The following JAM3 variants were observed in gnomAD, a reference collection of about 807,000 sequenced individuals.
JAM3 encodes the protein junctional adhesion molecule C.
In JAM3, 31 loss-of-function variants were observed where a neutral mutation model predicts 39.4. The ratio of observed to expected loss-of-function variants is 0.79; its 90% CI spans 0.59 to 1.06. JAM3 has a LOEUF of 1.06. JAM3 is among the 50% of genes least tolerant of loss of function. JAM3 has a pLI of 0.00. For missense variants in JAM3, 455 were observed against 391.4 expected (o/e 1.16, Z -1.37); for synonymous variants, 182 against 148.7 (o/e 1.22, Z -1.63).
rs115895490 is a variant in JAM3, at chr11:134,073,725, A to G, written c.76+4566A>G. 2.9e-3 allele frequency among the ~76,000 whole-genome samples: 437 copies of G among 152,250 alleles called. 3 individuals are homozygous for G. The highest frequency in any genetic ancestry group is 9.8e-3 in the African/African-American group (407 of 41,554). ...TAGTTGTTAGGTGTCAGTGCATTGTATTTTCTCAATGATAATAAACATTTT... is the reference window on the plus strand; with the variant it reads ...TAGTTGTTAGGTGTCAGTGCATTGTGTTTTCTCAATGATAATAAACATTTT... On this transcript the variant is annotated intron_variant, in intron 1 of 8. Coordinates refer to ENST00000299106, the MANE Select transcript of JAM3 (RefSeq NM_032801.5).
chr11:134,102,500 C>A (rs946630455), intron 1 of JAM3, among the ~76,000 whole-genome samples: 1 of 152,164 alleles, frequency 6.6e-6, no homozygotes. Flanking sequence ...AGCAACGGAA[C>A]AAAGCTGGAC....
At chr11:134,079,073 CT>C (rs528944123) in intron 1 of JAM3, among the ~76,000 whole-genome samples, 6 of 150,870 alleles carry the variant, frequency 4.0e-5, no homozygotes, top group African/African-American at 1.2e-4. Flanking sequence ...TAAATATTTG[CT>C]TTTTTTTTCA....
At chr11:134,104,497 TAACTA>T (rs1942142490) in intron 1 of JAM3, among the ~76,000 whole-genome samples, 1 of 151,532 alleles carries the variant, frequency 6.6e-6, no homozygotes, top group Non-Finnish European at 1.5e-5. Flanking sequence ...AGGCAAGAAA[TAACTA>T]AGATCAGAGC....
At chr11:134,143,059 G>A (rs1441486444) in intron 3 of JAM3, among the ~76,000 whole-genome samples, 1 of 152,138 alleles carries the variant, frequency 6.6e-6, no homozygotes, top group Admixed American at 6.5e-5. Flanking sequence ...ATCAGTATTT[G>A]TTTACAGGTT....
At chr11:134,146,703 A>C (rs1943078899) in intron 6 of JAM3, among the ~76,000 whole-genome samples, 1 of 152,034 alleles carries the variant, frequency 6.6e-6, no homozygotes, top group Non-Finnish European at 1.5e-5. Context: ...GAGTAGCTGG[A>C]ACAACAGGCA....
chr11:134,124,349 G>A lies in JAM3; in HGVS notation c.77-15502G>A, dbSNP rs537846053. On this transcript the variant is annotated intron_variant, in intron 1 of 8. Transcript: ENST00000299106. ...TCATTATGGCAAATGAAAAATGTGA[G>A]TGTGCGTGTGAGTGTGATGGGAAAA... The A allele has an allele frequency of 9.6e-5, 70 of 730,628 alleles. No individual in the cohort carries two copies. In the Middle Eastern group the frequency reaches 3.5e-3, roughly 37 times the overall value. 45.3% of individuals were successfully genotyped at this position (730,628 alleles called of 1,614,324 possible). A position where few individuals can be genotyped will look rare whatever the true frequency, so the allele number is the denominator to read the frequency against.
intron 1 of JAM3, among the ~76,000 whole-genome samples, chr11:134,089,374 A>G (rs1941801998): frequency 6.6e-6 from 1 of 151,980 alleles, no homozygotes; most frequent in African/African-American, 2.4e-5. Context: ...GGTTAGTTAC[A>G]TATGTATACA....
chr11:134,145,151 TTCC>T, intron 5 of JAM3, 157 bp downstream of exon 5: 1 of 622,666 alleles, frequency 1.6e-6, no homozygotes, highest in Non-Finnish European at 2.9e-6. Flanking sequence ...ATGACCCTTC[TTCC>T]TTTTATAAAC....
At chr11:134,105,751 G>A (rs1306921276) in intron 1 of JAM3, among the ~76,000 whole-genome samples, 1 of 152,092 alleles carries the variant, frequency 6.6e-6, no homozygotes, top group Non-Finnish European at 1.5e-5. Context: ...ATTCGCAATT[G>A]CTTCAAAGAG....
At chr11:134,076,155 T>TCTTTCTTTC (rs1565480772) in intron 1 of JAM3, among the ~76,000 whole-genome samples, 1 of 72,522 alleles carries the variant, frequency 1.4e-5, no homozygotes, top group African/African-American at 5.6e-5. Flanking sequence ...TTCTTTCTTT[T>TCTTTCTTTC]TTTTTTTTTT....
At chr11:134,141,278 G>A (rs903017441) in intron 3 of JAM3, among the ~76,000 whole-genome samples, 1 of 152,152 alleles carries the variant, frequency 6.6e-6, no homozygotes, top group Admixed American at 6.5e-5. Flanking sequence ...CCCCAAAGTG[G>A]CCTCTCTGGG....
intron 1 of JAM3, among the ~76,000 whole-genome samples, chr11:134,134,308 A>C (rs948852605): frequency 1.3e-5 from 2 of 150,262 alleles, no homozygotes; most frequent in Admixed American, 1.3e-4. Context: ...AAATATTTGA[A>C]GCAATTATGA....
chr11:134,091,853 T>C (rs1323534655), intron 1 of JAM3, among the ~76,000 whole-genome samples: 1 of 147,182 alleles, frequency 6.8e-6, no homozygotes, highest in African/African-American at 2.5e-5. Context: ...TTTTTTTTTC[T>C]TTAACTGTAG....
chr11:134,142,884 A>C (rs555680165), intron 3 of JAM3, among the ~76,000 whole-genome samples: 1 of 152,172 alleles, frequency 6.6e-6, no homozygotes, highest in African/African-American at 2.4e-5. Context: ...TCTTTCACTC[A>C]GCATCCTGTT....
chr11:134,144,537 C>A, intron 4 of JAM3, 144 bp downstream of exon 4: 1 of 1,046,572 alleles, frequency 9.6e-7, no homozygotes, highest in East Asian at 2.4e-5. Flanking sequence ...CTGAGACTGC[C>A]TGAGTTGGGG....
chr11:134,139,984 C>T, intron 2 of JAM3, 68 bp downstream of exon 2: 4 of 1,199,032 alleles, frequency 3.3e-6, no homozygotes, highest in Non-Finnish European at 1.2e-6. Context: ...TTGCAGCCAA[C>T]TCAGGACACA....
intron 1 of JAM3, among the ~76,000 whole-genome samples, chr11:134,087,053 C>T (rs1941756454): frequency 6.6e-6 from 1 of 152,168 alleles, no homozygotes; most frequent in Admixed American, 6.5e-5. Context: ...GATCCTCCTC[C>T]CTCAGTCTCC....
chr11:134,112,767 C>T (rs1942341695), intron 1 of JAM3, among the ~76,000 whole-genome samples: 1 of 152,208 alleles, frequency 6.6e-6, no homozygotes, highest in Non-Finnish European at 1.5e-5. Context: ...AGAGTACATG[C>T]TCTTACTCGT....
At chr11:134,110,662 A>G (rs1224490184) in intron 1 of JAM3, among the ~76,000 whole-genome samples, 1 of 152,186 alleles carries the variant, frequency 6.6e-6, no homozygotes, top group East Asian at 1.9e-4. Context: ...AAGGAAGGGC[A>G]GAAGGGAAGG....
Sources: allele counts gnomAD v4.1 joint callset (sites outside exome capture counted in the v4.1 genomes callset), GRCh38; gene constraint gnomAD v4.1.1; transcripts MANE v1.5; gene names NCBI Gene and HGNC (gene_info 2026-07-23, HGNC 2026-07-21).